Variants in ARHGEF28 observed in about 807,000 individuals in gnomAD.
ARHGEF28 encodes the protein Rho guanine nucleotide exchange factor 28, also known as 190 kDa guanine nucleotide exchange factor.
Under a neutral mutation model 206.6 loss-of-function variants are expected in ARHGEF28, and 152 were observed. That is an observed-to-expected ratio of 0.74 (90% CI 0.64 to 0.84). The LOEUF is 0.84. Among genes scored for constraint, ARHGEF28 ranks in the 40% least tolerant of loss-of-function variants. The pLI is 0.00. For synonymous variants in ARHGEF28, 763 were observed against 776.4 expected, an observed-to-expected ratio of 0.98 and a Z score of 0.29; for missense variants, 2,028 against 2,073.2, an observed-to-expected ratio of 0.98 and a Z score of 0.42.
At chr5:73,747,938 G>A (rs1561375683) in intron 2 of ARHGEF28, among the ~76,000 whole-genome samples, 1 of 152,162 alleles carries the variant, frequency 6.6e-6, no homozygotes, top group East Asian at 1.9e-4. Flanking sequence ...GAATAAAATA[G>A]TAATATGATC....
At chr5:73,737,921 A>G (rs1004718065) in intron 2 of ARHGEF28, among the ~76,000 whole-genome samples, 1 of 151,842 alleles carries the variant, frequency 6.6e-6, no homozygotes, top group Non-Finnish European at 1.5e-5. Context: ...TTCCATCAGG[A>G]CTTCAAGTTT....
rs946786357 is a variant in ARHGEF28, at chr5:73,883,791, C to T, written c.2962C>T (p.Arg988Ter). Residue 988 changes from arginine (R) to a stop codon, truncating the protein, a stop_gained, in exon 24 of 36, where the codon CGA becomes TGA. Coordinates refer to ENST00000513042, the MANE Select transcript of ARHGEF28 (RefSeq NM_001177693.2). LOFTEE classifies it high-confidence loss of function. The stretch of plus-strand genomic sequence containing the variant: ...GCTCCGAAATAGTAATCTTTTGGCT[C>T]GACGCCGAGGAATTCCAGAATGCAT... The part of the protein sequence containing the change: ...IKLRNSNLLA[R>*]RRGIPECILL... 8 of 1,559,234 alleles carry T rather than the reference C, an allele frequency of 5.1e-6. No homozygotes were observed. The highest frequency in any genetic ancestry group is 2.7e-5 in the African/African-American group (2 of 73,274).
At chr5:73,916,201 C>G (rs1174560480) in intron 35 of ARHGEF28, among the ~76,000 whole-genome samples, 3 of 152,126 alleles carry the variant, frequency 2.0e-5, no homozygotes, top group African/African-American at 4.8e-5. Context: ...ATGATAATTT[C>G]TCATGTTTTA....
At chr5:73,868,427 G>A (rs1759854209) in intron 20 of ARHGEF28, among the ~76,000 whole-genome samples, 200 bp downstream of exon 20, 1 of 151,984 alleles carries the variant, frequency 6.6e-6, no homozygotes, top group African/African-American at 2.4e-5. Context: ...AGTGACCAAG[G>A]AAATATGACG....
chr5:73,857,605 G>C, intron 14 of ARHGEF28, 51 bp from the exon 15 acceptor site: 1 of 1,530,452 alleles, frequency 6.5e-7, no homozygotes. Context: ...ACACGTATAT[G>C]CTATTCTTCC....
chr5:73,770,284 A>G (rs1156870104), intron 4 of ARHGEF28, among the ~76,000 whole-genome samples: 4 of 152,226 alleles, frequency 2.6e-5, no homozygotes. Flanking sequence ...GATGCCCGGC[A>G]GAGTGAGAAG....
chr5:73,930,187 C>T (rs537725639), intron 35 of ARHGEF28, among the ~76,000 whole-genome samples: 4 of 152,200 alleles, frequency 2.6e-5, no homozygotes, highest in East Asian at 1.9e-4. Flanking sequence ...TGATTTTGCT[C>T]CAAAGTTGTT....
chr5:73,926,473 C>T (rs1003577918), intron 35 of ARHGEF28, among the ~76,000 whole-genome samples: 13 of 152,184 alleles, frequency 8.5e-5, no homozygotes, highest in Middle Eastern at 3.2e-3. Context: ...AAGACCCTCC[C>T]AAACCTCCTT....
chr5:73,741,966 ACTTTTGCTTTATAT>A (rs1188491999), intron 2 of ARHGEF28, among the ~76,000 whole-genome samples: 30 of 152,048 alleles, frequency 2.0e-4, no homozygotes, highest in Admixed American at 7.2e-4. Flanking sequence ...GGATTTGTTA[ACTTTTGCTTTATAT>A]CTTTTGAAGA....
chr5:73,881,376 G>C (rs1194325450), intron 22 of ARHGEF28, among the ~76,000 whole-genome samples: 1 of 152,110 alleles, frequency 6.6e-6, no homozygotes, highest in Non-Finnish European at 1.5e-5. Context: ...CTGTATATCA[G>C]TTTGAAGAAA....
rs577615297 is a variant in ARHGEF28, at chr5:73,758,804, C to T, written c.475+5602C>T. 1.7e-4 allele frequency among the ~76,000 whole-genome samples: 26 copies of T among 152,264 alleles called. 1 individual carries two copies. Among genetic ancestry groups the T allele is most frequent in the African/African-American group, 3.1e-4 (13 of 41,544 alleles). ...CTGACCTCAAGTGATTCACCCACCT[C>T]GGCCTCGCAAAGTGCCAAACCTGGT... is the stretch of plus-strand genomic sequence containing the variant. On this transcript the variant is annotated intron_variant, in intron 4 of 35. Transcript: ENST00000513042.
At chr5:73,915,660 C>A (rs1561192521) in intron 35 of ARHGEF28, among the ~76,000 whole-genome samples, 1 of 152,078 alleles carries the variant, frequency 6.6e-6, no homozygotes, top group Non-Finnish European at 1.5e-5. Flanking sequence ...ATAAAAAAAC[C>A]CAACATTTTA....
At chr5:73,882,365 AT>A in intron 22 of ARHGEF28, 106 bp from the exon 23 acceptor site, 1 of 813,110 alleles carries the variant, frequency 1.2e-6, no homozygotes, top group Non-Finnish European at 1.8e-6. Flanking sequence ...CATGATATTT[AT>A]TTTTTATTTG....
chr5:73,872,422 T>C (rs1294036610), intron 21 of ARHGEF28, among the ~76,000 whole-genome samples: 1 of 152,158 alleles, frequency 6.6e-6, no homozygotes, highest in East Asian at 1.9e-4. Context: ...AAATATTTTC[T>C]CCCATTCTGT....
At chr5:73,829,853 A>T (rs562515337) in intron 9 of ARHGEF28, among the ~76,000 whole-genome samples, 2 of 152,232 alleles carry the variant, frequency 1.3e-5, no homozygotes, top group Non-Finnish European at 2.9e-5. Context: ...AATATAGGTG[A>T]TATGTAAATA....
At chr5:73,685,751 T>C (rs1356585736) in intron 2 of ARHGEF28, among the ~76,000 whole-genome samples, 1 of 152,110 alleles carries the variant, frequency 6.6e-6, no homozygotes. Flanking sequence ...GCCTCCCAAG[T>C]AGCTGGGATT....
At position 73,870,285 on chromosome 5, in the gene ARHGEF28, A is replaced by C. The variant is rs1342473890; in HGVS notation, c.2566+76A>C. The C allele has an allele frequency of 2.0e-6, 3 of 1,472,992 alleles. No individual in the cohort carries two copies. The South Asian group carries it at 4.2e-5, about 20-fold the overall frequency. The allele number at this position is 1,472,992 out of a possible 1,614,324, so 91.2% of individuals were successfully genotyped here. ...AAGAACATGGAATTTGCAACTGTGC[A>C]GAGTTGGGTAAAATCCCAGTTCTAT... On this transcript the variant is annotated intron_variant, in intron 21 of 35. Transcript: ENST00000513042.
intron 35 of ARHGEF28, among the ~76,000 whole-genome samples, chr5:73,915,698 T>C (rs748592589): frequency 3.6e-4 from 55 of 152,336 alleles, no homozygotes; most frequent in Non-Finnish European, 6.8e-4. Flanking sequence ...CTCCTAGCTT[T>C]AACATTTTAG....
At chr5:73,798,923 A>T (rs985252520) in intron 9 of ARHGEF28, among the ~76,000 whole-genome samples, 1 of 152,042 alleles carries the variant, frequency 6.6e-6, no homozygotes, top group African/African-American at 2.4e-5. Context: ...CCCTGTTTCT[A>T]CTAAAAATAC....
Sources: allele counts gnomAD v4.1 joint callset (sites outside exome capture counted in the v4.1 genomes callset), GRCh38; gene constraint gnomAD v4.1.1; transcripts MANE v1.5; gene names NCBI Gene and HGNC (gene_info 2026-07-23, HGNC 2026-07-21).